The following ASPH variants were observed in gnomAD, a reference collection of about 807,000 sequenced individuals.
ASPH encodes the protein aspartate beta-hydroxylase.
ASPH carries 100 observed loss-of-function variants against 118.4 expected under a neutral mutation model. The observed-to-expected ratio is 0.84, with a 90% CI of 0.72 to 1.00. The LOEUF (loss-of-function observed/expected upper bound fraction) is 1.00. Among genes scored for constraint, ASPH ranks in the 50% least tolerant of loss-of-function variants. ASPH has a pLI of 0.00. For missense variants in ASPH, 920 were observed against 919.5 expected (o/e 1.00, Z -0.01); for synonymous variants, 315 against 325.6 (o/e 0.97, Z 0.35).
chr8:61,523,255 C>T (rs1813818292), intron 22 of ASPH, among the ~76,000 whole-genome samples: 1 of 152,002 alleles, frequency 6.6e-6, no homozygotes, highest in African/African-American at 2.4e-5. Flanking sequence ...ACATGGATGC[C>T]ATCCTGCTTC....
chr8:61,579,408 G>A (rs560309299), intron 15 of ASPH: 3 of 1,613,514 alleles, frequency 1.9e-6, no homozygotes, highest in Admixed American at 1.7e-5. Flanking sequence ...GCTGCTGGAG[G>A]GCAAAGAGAG....
At chr8:61,515,939 GT>G in intron 24 of ASPH, among the ~76,000 whole-genome samples, 1 of 152,220 alleles carries the variant, frequency 6.6e-6, no homozygotes, top group Admixed American at 6.5e-5. Flanking sequence ...TCTTCCCACT[GT>G]CCCCATAGGA....
chr8:61,517,792 G>T, intron 23 of ASPH, 131 bp from the exon 24 acceptor site: 1 of 1,295,340 alleles, frequency 7.7e-7, no homozygotes, highest in Non-Finnish European at 1.0e-6. Context: ...TTATATTCAA[G>T]TCTTATTTCT....
intron 21 of ASPH, among the ~76,000 whole-genome samples, chr8:61,532,573 T>C (rs1817979963): frequency 1.3e-5 from 2 of 152,206 alleles, no homozygotes; most frequent in Admixed American, 1.3e-4. Flanking sequence ...TTGTCTGTGC[T>C]TTCCATGTCA....
chr8:61,665,104 G>T, intron 3 of ASPH: 1 of 1,414,234 alleles, frequency 7.1e-7, no homozygotes, highest in Non-Finnish European at 9.2e-7. Flanking sequence ...TAAATTTCAG[G>T]TAATTTACTT....
chr8:61,679,953 A>C (rs1311968604), intron 3 of ASPH, among the ~76,000 whole-genome samples: 2 of 149,818 alleles, frequency 1.3e-5, no homozygotes, highest in African/African-American at 2.4e-5. Context: ...AAAAAAAAAA[A>C]AAAAACAAAA....
intron 16 of ASPH, among the ~76,000 whole-genome samples, chr8:61,572,611 C>T (rs1833792594): frequency 6.6e-6 from 1 of 152,186 alleles, no homozygotes. Context: ...TCTAATCCAT[C>T]CTCAAGTCCT....
chr8:61,532,000 G>A (rs1021465759), intron 21 of ASPH, among the ~76,000 whole-genome samples: 2 of 152,074 alleles, frequency 1.3e-5, no homozygotes, highest in Admixed American at 6.6e-5. Context: ...TAATAAACAC[G>A]GGGGTGCAGA....
intron 21 of ASPH, among the ~76,000 whole-genome samples, chr8:61,526,583 A>G (rs150305961): frequency 1.6e-3 from 240 of 152,360 alleles, no homozygotes; most frequent in African/African-American, 5.4e-3. Flanking sequence ...AACATTCAAC[A>G]TATCAGAAGA....
intron 12 of ASPH, among the ~76,000 whole-genome samples, chr8:61,635,934 G>T (rs1857530514): frequency 6.6e-6 from 1 of 152,046 alleles, no homozygotes; most frequent in African/African-American, 2.4e-5. Flanking sequence ...ACAAAAATCA[G>T]ATTATGCTAT....
intron 3 of ASPH, chr8:61,665,372 GT>G (rs1819031696): frequency 1.6e-5 from 26 of 1,613,510 alleles, no homozygotes; most frequent in Non-Finnish European, 2.1e-5. Flanking sequence ...CTTCATATTT[GT>G]TGATTTTTTC....
chr8:61,714,436 G>A lies in ASPH; in HGVS notation c.-65C>T. 2.2e-6 allele frequency: 3 copies of A among 1,367,858 alleles called. No homozygotes were observed. Among genetic ancestry groups the A allele is most frequent in the East Asian group, 3.1e-5 (1 of 32,338 alleles). The allele number at this position is 1,367,858 out of a possible 1,614,324, so 84.7% of individuals were successfully genotyped here. On this transcript the variant is annotated 5_prime_UTR_variant, in exon 1 of 25. Coordinates refer to ENST00000379454, the MANE Select transcript of ASPH (RefSeq NM_004318.4). The stretch of plus-strand genomic sequence containing the variant: ...CTTCAGTGCGCGGGGGTACACACGC[G>A]ACGCGGGAACCGCTGGCGGCGGCGG...
intron 22 of ASPH, among the ~76,000 whole-genome samples, chr8:61,521,637 C>T (rs974539094): frequency 1.3e-5 from 2 of 152,224 alleles, no homozygotes; most frequent in Non-Finnish European, 2.9e-5. Context: ...GAATGCCCAG[C>T]ATCTGCAACT....
chr8:61,663,313 C>CA (rs1192542775), intron 3 of ASPH: 1 of 985,212 alleles, frequency 1.0e-6, no homozygotes, highest in Non-Finnish European at 1.2e-6. Context: ...TCACCATCCT[C>CA]AACTACAAAA....
At chr8:61,653,223 A>G (rs1234399782) in intron 4 of ASPH, among the ~76,000 whole-genome samples, 1 of 152,232 alleles carries the variant, frequency 6.6e-6, no homozygotes, top group Non-Finnish European at 1.5e-5. Context: ...GTGACAAATG[A>G]TAACACTAGT....
intron 1 of ASPH, among the ~76,000 whole-genome samples, chr8:61,710,712 G>A (rs1837872782): frequency 6.6e-6 from 1 of 152,120 alleles, no homozygotes; most frequent in Non-Finnish European, 1.5e-5. Flanking sequence ...GAGTAATGGA[G>A]GATTAAGCAA....
rs1805079190 is a variant in ASPH, at chr8:61,502,339, T to A, written c.*1020A>T. 6.6e-6 allele frequency: 1 copy of A among 152,228 alleles called. No individual in the cohort carries two copies. The highest frequency in any genetic ancestry group is 6.5e-5 in the Admixed American group (1 of 15,270). The allele number at this position is 152,228 out of a possible 1,614,324, so 9.4% of individuals were successfully genotyped here. ...TTTACTCTGCCATCCTTAATCTTTC[T>A]ACAGAATTGTAGCAGAAATCATCTC... is the stretch of plus-strand genomic sequence containing the variant. On this transcript the variant is annotated 3_prime_UTR_variant, in exon 25 of 25. Transcript: ENST00000379454.
intron 15 of ASPH, among the ~76,000 whole-genome samples, chr8:61,577,434 C>T (rs1482950571): frequency 8.6e-6 from 1 of 115,908 alleles, no homozygotes; most frequent in Non-Finnish European, 1.7e-5. Flanking sequence ...GACAAGACAC[C>T]TGATAAATGA....
intron 22 of ASPH, among the ~76,000 whole-genome samples, chr8:61,518,340 G>A (rs1376985316): frequency 6.6e-6 from 1 of 152,138 alleles, no homozygotes; most frequent in East Asian, 1.9e-4. Context: ...GTGACTGGCA[G>A]AGCAGGGATC....
Sources: allele counts gnomAD v4.1 joint callset (sites outside exome capture counted in the v4.1 genomes callset), GRCh38; gene constraint gnomAD v4.1.1; transcripts MANE v1.5; gene names NCBI Gene and HGNC (gene_info 2026-07-23, HGNC 2026-07-21).